Variants in PIP5K1B observed in about 807,000 individuals in gnomAD.
PIP5K1B encodes the protein phosphatidylinositol 4-phosphate 5-kinase type-1 beta.
In PIP5K1B, 42 loss-of-function variants were observed where a neutral mutation model predicts 67.0. That is an observed-to-expected ratio of 0.63 (90% CI 0.49 to 0.81). PIP5K1B has a LOEUF of 0.81. PIP5K1B is among the 30% of genes least tolerant of loss of function. The pLI is 0.00. For missense variants in PIP5K1B, 459 were observed against 646.3 expected, an observed-to-expected ratio of 0.71 and a Z score of 3.14; for synonymous variants, 214 against 231.4, an observed-to-expected ratio of 0.92 and a Z score of 0.68.
chr9:68,850,511 A>T (rs572630585), intron 4 of PIP5K1B, among the ~76,000 whole-genome samples: 2 of 152,324 alleles, frequency 1.3e-5, no homozygotes, highest in African/African-American at 4.8e-5. Flanking sequence ...ACACAGCCAG[A>T]TGTCCCTGAG....
At chr9:68,803,114 G>A (rs1447771008) in intron 2 of PIP5K1B, among the ~76,000 whole-genome samples, 27 of 152,174 alleles carry the variant, frequency 1.8e-4, no homozygotes, top group Admixed American at 1.8e-3. Flanking sequence ...TTGTGGGGAG[G>A]ATGTATTGAG....
At chr9:68,968,917 T>C (rs955923254) in intron 14 of PIP5K1B, among the ~76,000 whole-genome samples, 2 of 152,060 alleles carry the variant, frequency 1.3e-5, no homozygotes, top group Non-Finnish European at 2.9e-5. Context: ...GGGGTTTTAT[T>C]TGTAGAGGGA....
intron 6 of PIP5K1B, among the ~76,000 whole-genome samples, chr9:68,881,807 C>A (rs1824211707): frequency 6.6e-6 from 1 of 152,198 alleles, no homozygotes; most frequent in Non-Finnish European, 1.5e-5. Context: ...CAGAGCATTC[C>A]CATCTCTGCT....
intron 2 of PIP5K1B, among the ~76,000 whole-genome samples, chr9:68,751,206 A>G (rs1829614378): frequency 6.6e-6 from 1 of 152,258 alleles, no homozygotes; most frequent in African/African-American, 2.4e-5. Flanking sequence ...TAATGTATAG[A>G]AAGCACGTAG....
chr9:68,915,135 A>T (rs1029816218), intron 8 of PIP5K1B, among the ~76,000 whole-genome samples: 2 of 152,248 alleles, frequency 1.3e-5, no homozygotes, highest in Non-Finnish European at 2.9e-5. Flanking sequence ...AGCATTTTAC[A>T]GATGAGGAAA....
At chr9:68,962,356 C>T (rs1432597769) in intron 14 of PIP5K1B, among the ~76,000 whole-genome samples, 2 of 152,186 alleles carry the variant, frequency 1.3e-5, no homozygotes, top group Admixed American at 1.3e-4. Flanking sequence ...TCTCTGAATT[C>T]AGAGAACTGG....
chr9:68,841,850 A>T (rs1257311249), intron 4 of PIP5K1B, among the ~76,000 whole-genome samples: 1 of 152,212 alleles, frequency 6.6e-6, no homozygotes, highest in Non-Finnish European at 1.5e-5. Context: ...CATTTTCTGC[A>T]TTGTATTCTT....
At chr9:68,960,112 C>A (rs1404839141) in intron 14 of PIP5K1B, among the ~76,000 whole-genome samples, 2 of 152,170 alleles carry the variant, frequency 1.3e-5, no homozygotes, top group Non-Finnish European at 2.9e-5. Flanking sequence ...TGAGATCTTG[C>A]AAGTCTGAAA....
chr9:68,955,668 G>T (rs1828349731), intron 14 of PIP5K1B, among the ~76,000 whole-genome samples: 1 of 152,216 alleles, frequency 6.6e-6, no homozygotes, highest in Non-Finnish European at 1.5e-5. Flanking sequence ...TCACCTGAGA[G>T]CTGGCCTCGG....
At chr9:69,006,614 T>C (rs966093297) in intron 15 of PIP5K1B, among the ~76,000 whole-genome samples, 2 of 152,136 alleles carry the variant, frequency 1.3e-5, no homozygotes, top group African/African-American at 4.8e-5. Context: ...TCCTATTTTC[T>C]AGACCAAAAA....
intron 5 of PIP5K1B, among the ~76,000 whole-genome samples, chr9:68,864,485 CA>C (rs1233138311): frequency 6.6e-6 from 1 of 152,164 alleles, no homozygotes; most frequent in African/African-American, 2.4e-5. Flanking sequence ...GCAAAAATAC[CA>C]AAGTTACCCA....
intron 2 of PIP5K1B, among the ~76,000 whole-genome samples, chr9:68,764,413 A>G (rs967143060): frequency 6.6e-6 from 1 of 152,046 alleles, no homozygotes; most frequent in Non-Finnish European, 1.5e-5. Flanking sequence ...CTCTAACATT[A>G]GATTTTGAGA....
chr9:68,726,727 G>A (rs1013147547), intron 1 of PIP5K1B, among the ~76,000 whole-genome samples: 1 of 152,194 alleles, frequency 6.6e-6, no homozygotes, highest in Non-Finnish European at 1.5e-5. Context: ...AAAGTTGCTG[G>A]AATTCCACAG....
intron 14 of PIP5K1B, among the ~76,000 whole-genome samples, chr9:68,960,776 G>T (rs1828684354): frequency 1.3e-5 from 2 of 152,166 alleles, no homozygotes; most frequent in Non-Finnish European, 2.9e-5. Flanking sequence ...AATAGTTGGG[G>T]TCTAAGGGTT....
intron 2 of PIP5K1B, among the ~76,000 whole-genome samples, chr9:68,753,243 A>G (rs1302953119): frequency 6.6e-6 from 1 of 151,724 alleles, no homozygotes; most frequent in Non-Finnish European, 1.5e-5. Flanking sequence ...TTAAATTCCT[A>G]TAGCTTTATG....
At position 68,968,347 on chromosome 9, in the gene PIP5K1B, C is replaced by T. The variant is rs568050138; in HGVS notation, c.1503-22793C>T. 2.6e-5 allele frequency among the ~76,000 whole-genome samples: 4 copies of T among 152,190 alleles called. No homozygotes were observed. The South Asian group carries it at 6.2e-4, about 24-fold the overall frequency. ...CCAACCTTGCCAACATGGCAAAACC[C>T]TGTCTCTACTAAAAATACAAAAATT... On this transcript the variant is annotated intron_variant, in intron 14 of 15. Coordinates refer to ENST00000265382, the MANE Select transcript of PIP5K1B (RefSeq NM_003558.4).
chr9:68,897,433 T>C (rs1284284396), intron 8 of PIP5K1B, among the ~76,000 whole-genome samples: 2 of 152,196 alleles, frequency 1.3e-5, no homozygotes, highest in African/African-American at 4.8e-5. Flanking sequence ...TAGGGAACAT[T>C]GTAGCTTGCT....
intron 8 of PIP5K1B, among the ~76,000 whole-genome samples, chr9:68,905,863 A>T (rs548564392): frequency 2.0e-5 from 3 of 152,274 alleles, no homozygotes; most frequent in Admixed American, 2.0e-4. Context: ...TTCAGAAAAG[A>T]TCACCCCATA....
chr9:68,864,227 A>G (rs1334155898), intron 5 of PIP5K1B, among the ~76,000 whole-genome samples: 1 of 152,222 alleles, frequency 6.6e-6, no homozygotes, highest in Admixed American at 6.5e-5. Flanking sequence ...GGAAGACCAT[A>G]TGGAGAAAGA....
Sources: allele counts gnomAD v4.1 joint callset (sites outside exome capture counted in the v4.1 genomes callset), GRCh38; gene constraint gnomAD v4.1.1; transcripts MANE v1.5; gene names NCBI Gene and HGNC (gene_info 2026-07-23, HGNC 2026-07-21).